RNF150: variants seen among roughly 807,000 people sequenced by gnomAD.
RNF150 encodes the protein ring finger protein 150.
Under a neutral mutation model 39.3 loss-of-function variants are expected in RNF150, and 24 were observed. The ratio of observed to expected loss-of-function variants is 0.61; its 90% CI spans 0.44 to 0.86. RNF150 has a LOEUF of 0.86. Among genes scored for constraint, RNF150 ranks in the 40% least tolerant of loss-of-function variants. The pLI is 0.00. For missense variants in RNF150, 502 were observed against 587.8 expected (o/e 0.85, Z 1.51); for synonymous variants, 255 against 227.3 (o/e 1.12, Z -1.10).
intron 1 of RNF150, among the ~76,000 whole-genome samples, chr4:141,110,780 T>C (rs768140290): frequency 6.6e-6 from 1 of 152,064 alleles, no homozygotes; most frequent in Non-Finnish European, 1.5e-5. Context: ...TTCCATTTGT[T>C]TATCTTTTGT....
intron 4 of RNF150, among the ~76,000 whole-genome samples, chr4:140,943,380 A>G (rs1482368097): frequency 6.6e-6 from 1 of 152,242 alleles, no homozygotes; most frequent in African/African-American, 2.4e-5. Flanking sequence ...AAGACAATAT[A>G]TAACAATGAT....
intron 1 of RNF150, among the ~76,000 whole-genome samples, chr4:140,994,232 G>C (rs1161678270): frequency 6.6e-6 from 1 of 152,104 alleles, no homozygotes; most frequent in East Asian, 1.9e-4. Context: ...GCCAAATCCT[G>C]CAAGAGTTTA....
intron 1 of RNF150, among the ~76,000 whole-genome samples, chr4:141,079,073 T>C (rs371025871): frequency 9.2e-5 from 14 of 152,164 alleles, no homozygotes; most frequent in African/African-American, 3.4e-4. Context: ...TGTTTCATCA[T>C]CATAATCAGT....
intron 5 of RNF150, among the ~76,000 whole-genome samples, chr4:140,912,715 C>T (rs1459906356): frequency 6.6e-6 from 1 of 152,132 alleles, no homozygotes. Context: ...TTATTCATTT[C>T]TTTCCTGTAT....
intron 1 of RNF150, among the ~76,000 whole-genome samples, chr4:141,122,789 G>A (rs1390542836): frequency 6.6e-6 from 1 of 152,064 alleles, no homozygotes; most frequent in Non-Finnish European, 1.5e-5. Context: ...ATTAGAGTGT[G>A]GATGGTTCTT....
chr4:141,033,957 T>C (rs952196423), intron 1 of RNF150, among the ~76,000 whole-genome samples: 2 of 152,184 alleles, frequency 1.3e-5, no homozygotes, highest in African/African-American at 2.4e-5. Context: ...GAATGCTAAA[T>C]GAGCACTGGC....
intron 1 of RNF150, among the ~76,000 whole-genome samples, chr4:141,148,120 T>G (rs1348948921): frequency 6.6e-6 from 1 of 152,186 alleles, no homozygotes; most frequent in Non-Finnish European, 1.5e-5. Flanking sequence ...AATACAACTT[T>G]GAGACTCTCT....
At chr4:141,149,334 C>A (rs893382500) in intron 1 of RNF150, among the ~76,000 whole-genome samples, 1 of 152,016 alleles carries the variant, frequency 6.6e-6, no homozygotes, top group Admixed American at 6.6e-5. Flanking sequence ...GTGCACCCAG[C>A]ACCCCAGCAG....
intron 1 of RNF150, among the ~76,000 whole-genome samples, chr4:141,085,738 C>T (rs1738339081): frequency 6.6e-6 from 1 of 152,148 alleles, no homozygotes. Context: ...CTGGAACAGA[C>T]ACCTATGGTG....
At chr4:141,007,606 T>C (rs1734922288) in intron 1 of RNF150, among the ~76,000 whole-genome samples, 1 of 152,228 alleles carries the variant, frequency 6.6e-6, no homozygotes, top group African/African-American at 2.4e-5. Context: ...GAAGATAAAA[T>C]TTGATGTTGA....
At chr4:141,021,507 G>C (rs1294385745) in intron 1 of RNF150, among the ~76,000 whole-genome samples, 1 of 152,116 alleles carries the variant, frequency 6.6e-6, no homozygotes, top group African/African-American at 2.4e-5. Flanking sequence ...GAGGAAAAGG[G>C]GCATAATCAC....
intron 1 of RNF150, chr4:141,053,591 G>T: frequency 1.5e-6 from 1 of 672,418 alleles, no homozygotes; most frequent in South Asian, 4.5e-5. Context: ...AAAGAAAATT[G>T]ATTAGAAAGT....
intron 5 of RNF150, among the ~76,000 whole-genome samples, chr4:140,921,849 C>T (rs1731167019): frequency 6.6e-6 from 1 of 152,102 alleles, no homozygotes; most frequent in African/African-American, 2.4e-5. Context: ...AGCATATAAA[C>T]AGAACCAAAG....
chr4:140,870,436 C>T (rs1444861082), intron 6 of RNF150, among the ~76,000 whole-genome samples: 1 of 149,650 alleles, frequency 6.7e-6, no homozygotes. Flanking sequence ...TATGATCTCC[C>T]ATCTTCATTT....
intron 1 of RNF150, among the ~76,000 whole-genome samples, chr4:141,067,252 T>C (rs111720099): frequency 1.3e-5 from 2 of 152,340 alleles, no homozygotes; most frequent in African/African-American, 4.8e-5. Flanking sequence ...ATTGAACTTA[T>C]CTAAAAAACT....
chr4:141,116,179 A>C (rs1435309305), intron 1 of RNF150, among the ~76,000 whole-genome samples: 1 of 152,246 alleles, frequency 6.6e-6, no homozygotes, highest in Non-Finnish European at 1.5e-5. Context: ...GCACAGTAAA[A>C]GAAACTATCA....
intron 1 of RNF150, among the ~76,000 whole-genome samples, chr4:141,119,554 G>A (rs1394573293): frequency 3.3e-5 from 5 of 152,156 alleles, no homozygotes; most frequent in African/African-American, 1.2e-4. Flanking sequence ...GTTATCTATA[G>A]AAAGTCCCCC....
chr4:140,880,251 A>G (rs1243740659), intron 6 of RNF150, among the ~76,000 whole-genome samples: 2 of 152,220 alleles, frequency 1.3e-5, no homozygotes, highest in Admixed American at 1.3e-4. Flanking sequence ...CAGTTGAGAT[A>G]ATCATGTGAT....
chr4:140,906,767 G>A (rs1730392154), intron 6 of RNF150, among the ~76,000 whole-genome samples: 1 of 152,182 alleles, frequency 6.6e-6, no homozygotes, highest in Non-Finnish European at 1.5e-5. Context: ...GGGCAGATGT[G>A]CCATATCTTG....
Sources: allele counts gnomAD v4.1 joint callset (sites outside exome capture counted in the v4.1 genomes callset), GRCh38; gene constraint gnomAD v4.1.1; transcripts MANE v1.5; gene names NCBI Gene and HGNC (gene_info 2026-07-23, HGNC 2026-07-21).